SYNE2: variants seen among roughly 807,000 people sequenced by gnomAD.
SYNE2 encodes the protein spectrin repeat containing nuclear envelope protein 2, also known as nesprin-2.
A neutral mutation model predicts 856.3 loss-of-function variants in SYNE2; 431 were observed. The observed-to-expected ratio is 0.50, with a 90% CI of 0.47 to 0.55. The LOEUF is 0.55. Ranked by LOEUF, SYNE2 falls within the 20% of genes least tolerant of loss-of-function variation. The pLI is 0.00. For synonymous variants in SYNE2, 2,923 were observed against 2,872.3 expected, an observed-to-expected ratio of 1.02 and a Z score of -0.56; for missense variants, 8,129 against 8,023.2, an observed-to-expected ratio of 1.01 and a Z score of -0.50.
At chr14:63,923,011 T>C (rs1475570333) in intron 2 of SYNE2, among the ~76,000 whole-genome samples, 1 of 152,220 alleles carries the variant, frequency 6.6e-6, no homozygotes, top group Non-Finnish European at 1.5e-5. Flanking sequence ...TCACATACCT[T>C]GATTTTTCAA....
intron 1 of SYNE2, among the ~76,000 whole-genome samples, chr14:63,810,645 T>C (rs1365021280): frequency 6.6e-6 from 1 of 152,162 alleles, no homozygotes; most frequent in African/African-American, 2.4e-5. Flanking sequence ...TAAGGATGAT[T>C]ATAGTTTTTT....
chr14:63,800,217 T>C (rs1363935569), intron 1 of SYNE2, among the ~76,000 whole-genome samples: 1 of 152,066 alleles, frequency 6.6e-6, no homozygotes, highest in Non-Finnish European at 1.5e-5. Flanking sequence ...GAAAGTATAA[T>C]AATAGGTTTT....
intron 110 of SYNE2, among the ~76,000 whole-genome samples, chr14:64,220,230 A>G (rs1265647955): frequency 1.3e-5 from 2 of 152,106 alleles, no homozygotes; most frequent in Non-Finnish European, 2.9e-5. Flanking sequence ...GCAGGCCTCT[A>G]CTTTGGGGCC....
chr14:64,054,804 C>T (rs1248437056), intron 48 of SYNE2, among the ~76,000 whole-genome samples: 4 of 152,140 alleles, frequency 2.6e-5, no homozygotes, highest in Non-Finnish European at 5.9e-5. Flanking sequence ...TCAGATTGAT[C>T]ACATTAAATT....
At position 64,027,600 on chromosome 14, in the gene SYNE2, G is replaced by A; in HGVS notation, c.6521G>A (p.Gly2174Asp). 3 of 1,614,034 alleles carry A rather than the reference G, an allele frequency of 1.9e-6. No homozygotes were observed. Among genetic ancestry groups the A allele is most frequent in the Non-Finnish European group, 2.5e-6 (3 of 1,179,976 alleles). The part of the protein sequence containing the change: ...KQEAGFALQH[G>D]LQEKKAQLKI... ...GAAGCAGGCTTTGCTCTACAACATGGTCTGCAGGAGAAGAAAGCTCAGTTA... is the reference window on the plus strand; with the variant it reads ...GAAGCAGGCTTTGCTCTACAACATGATCTGCAGGAGAAGAAAGCTCAGTTA... The change falls in exon 43 of 116, where the codon GGT (glycine) becomes GAT (aspartate). Residue 2174 changes from glycine (G) to aspartate (D), a missense_variant. Around this residue, in one of 3 missense-constraint regions of SYNE2, gnomAD observed 297 missense variants for 380.9 expected, o/e 0.78. Coordinates refer to ENST00000555002, the MANE Select transcript of SYNE2 (RefSeq NM_182914.3).
intron 1 of SYNE2, among the ~76,000 whole-genome samples, chr14:63,831,687 C>G (rs186288417): frequency 2.7e-5 from 4 of 150,770 alleles, no homozygotes; most frequent in African/African-American, 7.3e-5. Context: ...TCCTGAGTAG[C>G]TGATACTACA....
Position 64,140,033 on chromosome 14 carries a change from A to G in SYNE2, c.14936A>G (p.Gln4979Arg). 6.2e-7 allele frequency: 1 copy of G among 1,613,486 alleles called. No homozygotes were observed. Residue 4979 changes from glutamine (Q) to arginine (R), a missense_variant, in exon 80 of 116, where the codon CAG becomes CGG. This residue lies in a region of SYNE2 where 5,410 missense variants were observed against 5,284.8 expected (regional missense o/e 1.02). Coordinates refer to ENST00000555002, the MANE Select transcript of SYNE2 (RefSeq NM_182914.3). ...AAAGAACAGTCCCTCAATGTGTCTCAGGACTTGGATACAATCAGAAGCAAC... is the reference window on the plus strand; with the variant it reads ...AAAGAACAGTCCCTCAATGTGTCTCGGGACTTGGATACAATCAGAAGCAAC... ...YWKEQSLNVS[Q>R]DLDTIRSNIN...
At chr14:63,789,772 C>G (rs1595111937) in intron 1 of SYNE2, among the ~76,000 whole-genome samples, 1 of 147,122 alleles carries the variant, frequency 6.8e-6, no homozygotes, top group South Asian at 2.1e-4. Flanking sequence ...TGAGACTTGT[C>G]TCAAAAAAAA....
chr14:63,764,780 T>C (rs1015739252), intron 1 of SYNE2, among the ~76,000 whole-genome samples: 2 of 151,830 alleles, frequency 1.3e-5, no homozygotes, highest in African/African-American at 2.4e-5. Context: ...CCCCTCCCTA[T>C]GTCCAAAAAA....
At chr14:64,212,511 C>A (rs968805843) in intron 104 of SYNE2, among the ~76,000 whole-genome samples, 2 of 152,212 alleles carry the variant, frequency 1.3e-5, no homozygotes, top group South Asian at 2.1e-4. Context: ...CTGTTCCCAA[C>A]AAGTTTTGCC....
chr14:63,913,238 A>C (rs770956140), intron 2 of SYNE2, among the ~76,000 whole-genome samples: 1 of 152,014 alleles, frequency 6.6e-6, no homozygotes, highest in Non-Finnish European at 1.5e-5. Flanking sequence ...CCTGGCCCTG[A>C]GAGTACCCTT....
chr14:63,900,717 T>C (rs1946436941), intron 1 of SYNE2, among the ~76,000 whole-genome samples: 2 of 152,218 alleles, frequency 1.3e-5, no homozygotes, highest in East Asian at 3.9e-4. Context: ...ATCTTACAAA[T>C]CACCTGACCT....
chr14:64,117,649 A>G (rs1293914590), intron 66 of SYNE2, among the ~76,000 whole-genome samples: 1 of 152,216 alleles, frequency 6.6e-6, no homozygotes, highest in African/African-American at 2.4e-5. Flanking sequence ...GTTATTTTAT[A>G]TAATAACTTT....
chr14:63,827,422 C>T (rs182884923), intron 1 of SYNE2, among the ~76,000 whole-genome samples: 30 of 151,292 alleles, frequency 2.0e-4, no homozygotes, highest in Admixed American at 4.0e-4. Flanking sequence ...GTTGGGAGTT[C>T]GAGACCAGCC....
chr14:63,982,832 T>A lies in SYNE2; in HGVS notation c.2001+38T>A, dbSNP rs193176912. On this transcript the variant is annotated intron_variant, in intron 17 of 115. Coordinates refer to ENST00000555002, the MANE Select transcript of SYNE2 (RefSeq NM_182914.3). The stretch of plus-strand genomic sequence containing the variant: ...GATTGGTTGCAGCTTTATTTAGATA[T>A]GATTCATGTACCACACAATTTACTC... The A allele has an allele frequency of 7.8e-5, 124 of 1,597,502 alleles. 1 individual carries two copies. The Middle Eastern group carries it at 1.5e-3, about 19-fold the overall frequency.
At chr14:63,937,072 A>T (rs2095843074) in intron 2 of SYNE2, among the ~76,000 whole-genome samples, 1 of 152,176 alleles carries the variant, frequency 6.6e-6, no homozygotes, top group Non-Finnish European at 1.5e-5. Flanking sequence ...GTCCAGCAGG[A>T]TGAAGGTTGA....
intron 45 of SYNE2, 53 bp from the exon 46 acceptor site, chr14:64,047,947 G>T (rs2097198069): frequency 1.3e-6 from 2 of 1,567,264 alleles, no homozygotes; most frequent in Admixed American, 1.7e-5. Flanking sequence ...AAAATAAAAA[G>T]GATTTATTTG....
chr14:63,806,150 T>C (rs1888353437), intron 1 of SYNE2, among the ~76,000 whole-genome samples: 2 of 152,212 alleles, frequency 1.3e-5, no homozygotes, highest in South Asian at 4.1e-4. Context: ...TTGATGTATG[T>C]TTCTCTAATG....
At chr14:64,069,357 A>G (rs1031141748) in intron 51 of SYNE2, among the ~76,000 whole-genome samples, 2 of 152,166 alleles carry the variant, frequency 1.3e-5, no homozygotes, top group Non-Finnish European at 2.9e-5. Flanking sequence ...TAGGACTTCT[A>G]ATTCAACTGA....
Sources: allele counts gnomAD v4.1 joint callset (sites outside exome capture counted in the v4.1 genomes callset), GRCh38; gene constraint gnomAD v4.1.1; regional missense constraint gnomAD v4.1.1; transcripts MANE v1.5; gene names NCBI Gene and HGNC (gene_info 2026-07-23, HGNC 2026-07-21).